Variants in PACRG observed in about 807,000 individuals in gnomAD.
The protein encoded by PACRG is parkin coregulated, also known as parkin coregulated gene protein.
A neutral mutation model predicts 29.7 loss-of-function variants in PACRG; 29 were observed. That is an observed-to-expected ratio of 0.98 (90% CI 0.73 to 1.33). The LOEUF is 1.33. Ranked by LOEUF, PACRG falls within the 40% of genes most tolerant of loss-of-function variation. The pLI is 0.00. For missense variants in PACRG, 279 were observed against 316.2 expected (o/e 0.88, Z 0.89); for synonymous variants, 116 against 118.7 (o/e 0.98, Z 0.15).
chr6:163,062,393 A>G (rs1811170557), intron 3 of PACRG, 72 bp downstream of exon 3: 3 of 1,470,204 alleles, frequency 2.0e-6, no homozygotes, highest in South Asian at 1.4e-5. Context: ...TAATTAAGCA[A>G]TAAACCATGA....
intron 4 of PACRG, among the ~76,000 whole-genome samples, chr6:163,292,658 A>C (rs1784657172): frequency 1.3e-5 from 2 of 152,006 alleles, no homozygotes; most frequent in African/African-American, 4.8e-5. Context: ...TCCTGACCTC[A>C]GGTGATCCAC....
intron 4 of PACRG, among the ~76,000 whole-genome samples, chr6:163,227,781 C>A (rs1256308903): frequency 1.3e-5 from 2 of 152,216 alleles, no homozygotes; most frequent in Non-Finnish European, 2.9e-5. Flanking sequence ...ACTGCCCTCC[C>A]TGTGGCGAGA....
chr6:162,984,858 G>T (rs1040219991), intron 2 of PACRG, among the ~76,000 whole-genome samples: 7 of 146,796 alleles, frequency 4.8e-5, no homozygotes, highest in South Asian at 2.1e-4. Flanking sequence ...GATGCGATTG[G>T]TTTTTTTTTT....
intron 4 of PACRG, among the ~76,000 whole-genome samples, chr6:163,106,806 C>CATTT (rs1475232008): frequency 4.6e-5 from 7 of 152,160 alleles, no homozygotes; most frequent in Non-Finnish European, 1.0e-4. Context: ...ATTTGCTGAC[C>CATTT]ATTTGTGCAC....
chr6:163,308,678 AAG>A, intron 4 of PACRG, among the ~76,000 whole-genome samples: 1 of 142,700 alleles, frequency 7.0e-6, no homozygotes, highest in South Asian at 2.2e-4. Flanking sequence ...AAAAAAAAAA[AAG>A]GAAAATTTAT....
intron 1 of PACRG, among the ~76,000 whole-genome samples, chr6:162,796,541 A>G (rs2128335028): frequency 6.6e-6 from 1 of 152,196 alleles, no homozygotes; most frequent in East Asian, 1.9e-4. Flanking sequence ...TTAATTCCCT[A>G]ATATGACTAA....
intron 2 of PACRG, among the ~76,000 whole-genome samples, chr6:162,978,594 T>G (rs977558169): frequency 4.6e-5 from 7 of 152,164 alleles, no homozygotes; most frequent in African/African-American, 1.7e-4. Flanking sequence ...GCACAGGATA[T>G]TAACTTTTTC....
intron 2 of PACRG, among the ~76,000 whole-genome samples, chr6:162,901,002 A>G (rs951588113): frequency 3.3e-5 from 5 of 152,256 alleles, no homozygotes; most frequent in East Asian, 1.9e-4. Flanking sequence ...CATGATTAGA[A>G]CATAGCCTTG....
intron 2 of PACRG, among the ~76,000 whole-genome samples, chr6:163,045,543 T>C (rs971083380): frequency 3.9e-5 from 6 of 151,970 alleles, no homozygotes; most frequent in African/African-American, 1.5e-4. Flanking sequence ...CAGGATGGTC[T>C]TGATCTCCTG....
Position 163,082,539 on chromosome 6 carries a change from T to C in PACRG, c.464-6720T>C, listed in dbSNP as rs73591801. 7.5e-3 allele frequency among the ~76,000 whole-genome samples: 1,137 copies of C among 152,290 alleles called. 19 individuals carry two copies. The highest frequency in any genetic ancestry group is 0.026 in the African/African-American group (1,075 of 41,562). ...AAAATATGCACTGTATATTGATAATTTTTTAGAAAGCAGTTTTTAAAAGCG... is the reference window on the plus strand; with the variant it reads ...AAAATATGCACTGTATATTGATAATCTTTTAGAAAGCAGTTTTTAAAAGCG... On this transcript the variant is annotated intron_variant, in intron 3 of 4. Transcript: ENST00000366888.
At position 162,971,457 on chromosome 6, in the gene PACRG, C is replaced by A. The variant is rs1801521453; in HGVS notation, c.292-90693C>A. ...GAGCACTTACGGAGCTTCCTAAACA[C>A]CTTGGGAGGAAACCAGTCAGTGTCT... is the stretch of plus-strand genomic sequence containing the variant. On this transcript the variant is annotated intron_variant, in intron 2 of 4. Transcript: ENST00000366888. 2.6e-5 allele frequency among the ~76,000 whole-genome samples: 4 copies of A among 152,282 alleles called. No homozygotes were observed. In the South Asian group the frequency reaches 8.3e-4, roughly 32 times the overall value.
Position 162,981,327 on chromosome 6 carries a change from A to T in PACRG, c.292-80823A>T, listed in dbSNP as rs115323235. ...TATATTTACAATGGCAAAAATATAG[A>T]ACCAGCCTAAATTCCCATCAACCAA... is the stretch of plus-strand genomic sequence containing the variant. On this transcript the variant is annotated intron_variant, in intron 2 of 4. Transcript: ENST00000366888. Among the ~76,000 whole-genome samples, 752 of 145,126 alleles carry T rather than the reference A, an allele frequency of 5.2e-3. 5 individuals carry two copies. The highest frequency in any genetic ancestry group is 0.019 in the African/African-American group (704 of 37,150).
chr6:162,873,552 AG>A (rs1454801013), intron 2 of PACRG, among the ~76,000 whole-genome samples: 10 of 152,182 alleles, frequency 6.6e-5, no homozygotes, highest in Non-Finnish European at 1.0e-4. Flanking sequence ...TCCAAAGCAA[AG>A]CCCATACTGT....
At chr6:163,296,770 C>G (rs557767685) in intron 4 of PACRG, among the ~76,000 whole-genome samples, 6 of 152,192 alleles carry the variant, frequency 3.9e-5, no homozygotes, top group Non-Finnish European at 8.8e-5. Flanking sequence ...CTCTTTCAGA[C>G]AGGGCAATAA....
chr6:162,868,350 G>C (rs1483623480), intron 2 of PACRG, among the ~76,000 whole-genome samples: 1 of 152,196 alleles, frequency 6.6e-6, no homozygotes, highest in Admixed American at 6.5e-5. Flanking sequence ...CTTTAAAATG[G>C]AACAAGAATT....
chr6:162,770,907 A>C (rs1243260721), intron 1 of PACRG, among the ~76,000 whole-genome samples: 4 of 152,152 alleles, frequency 2.6e-5, no homozygotes, highest in African/African-American at 9.7e-5. Flanking sequence ...GATAGGCTTA[A>C]GTTTATAAAT....
intron 4 of PACRG, among the ~76,000 whole-genome samples, chr6:163,311,259 C>A (rs1415262532): frequency 6.6e-6 from 1 of 152,130 alleles, no homozygotes; most frequent in Non-Finnish European, 1.5e-5. Flanking sequence ...TGGCTTAAAC[C>A]ATTGCTTTCA....
intron 2 of PACRG, among the ~76,000 whole-genome samples, chr6:162,957,868 T>C (rs1800183832): frequency 6.6e-6 from 1 of 152,140 alleles, no homozygotes; most frequent in African/African-American, 2.4e-5. Flanking sequence ...ACTTAGACTC[T>C]CAGCCATTTG....
chr6:163,100,339 C>T (rs941115296), intron 4 of PACRG, among the ~76,000 whole-genome samples: 8 of 152,164 alleles, frequency 5.3e-5, no homozygotes, highest in South Asian at 4.1e-4. Context: ...ACTGATCGCC[C>T]GGCGTGCTGC....
Sources: allele counts gnomAD v4.1 joint callset (sites outside exome capture counted in the v4.1 genomes callset), GRCh38; gene constraint gnomAD v4.1.1; transcripts MANE v1.5; gene names NCBI Gene and HGNC (gene_info 2026-07-23, HGNC 2026-07-21).